The following COLGALT2 variants were observed in gnomAD, a reference collection of about 807,000 sequenced individuals.
The protein encoded by COLGALT2 is collagen beta(1-O)galactosyltransferase 2, also known as procollagen galactosyltransferase 2.
In COLGALT2, 49 loss-of-function variants were observed where a neutral mutation model predicts 73.4. The observed-to-expected ratio is 0.67, with a 90% CI of 0.53 to 0.85. COLGALT2 has a LOEUF of 0.85. COLGALT2 is among the 40% of genes least tolerant of loss of function. The pLI, the probability that COLGALT2 is intolerant of heterozygous loss-of-function variation, is 0.00. For synonymous variants in COLGALT2, 295 were observed against 307.6 expected (o/e 0.96, Z 0.43); for missense variants, 722 against 790.2 (o/e 0.91, Z 1.03).
intron 2 of COLGALT2, among the ~76,000 whole-genome samples, chr1:183,976,016 G>C (rs1671180142): frequency 6.6e-6 from 1 of 152,158 alleles, no homozygotes; most frequent in African/African-American, 2.4e-5. Context: ...TACAGCACAG[G>C]AATTCTCTGG....
intron 7 of COLGALT2, among the ~76,000 whole-genome samples, chr1:183,953,184 G>A (rs147806388): frequency 9.8e-5 from 15 of 152,304 alleles, no homozygotes; most frequent in Non-Finnish European, 1.5e-4. Context: ...AGTAAACAGA[G>A]AAAAGAGCAT....
chr1:183,991,260 G>A (rs76909238), intron 1 of COLGALT2, among the ~76,000 whole-genome samples: 2,868 of 152,164 alleles, frequency 0.019, 69 homozygotes, highest in African/African-American at 0.055. Context: ...AAAATAAAGT[G>A]GTTATATTTA....
At chr1:183,975,246 A>G (rs762429184) in intron 2 of COLGALT2, 32 bp from the exon 3 acceptor site, 1 of 1,351,598 alleles carries the variant, frequency 7.4e-7, no homozygotes, top group Non-Finnish European at 1.1e-6. Flanking sequence ...ATCATTATTG[A>G]GTGCCTACAT....
At chr1:183,978,758 T>C (rs1472691224) in intron 1 of COLGALT2, among the ~76,000 whole-genome samples, 1 of 152,226 alleles carries the variant, frequency 6.6e-6, no homozygotes, top group Non-Finnish European at 1.5e-5. Context: ...TTGGAGAACG[T>C]GTAAATGGTT....
rs1215617289 is a variant in COLGALT2, at chr1:183,954,761, C to T, written c.1029+1G>A. ...CACACACATATAGACACCTTTCCTACCTCATCAAATCCCATCTTGTCTGGA... is the reference window on the plus strand; with the variant it reads ...CACACACATATAGACACCTTTCCTATCTCATCAAATCCCATCTTGTCTGGA... On this transcript the variant is annotated splice_donor_variant, in intron 7 of 11. Transcript: ENST00000361927. LOFTEE classifies it high-confidence loss of function. 1.2e-6 allele frequency: 2 copies of T among 1,610,098 alleles called. No homozygotes were observed. The highest frequency in any genetic ancestry group is 1.1e-5 in the South Asian group (1 of 91,018).
intron 4 of COLGALT2, among the ~76,000 whole-genome samples, chr1:183,973,335 A>G (rs1671100961): frequency 6.6e-6 from 1 of 152,176 alleles, no homozygotes; most frequent in Non-Finnish European, 1.5e-5. Context: ...AAAAGAATTA[A>G]TTAAAAATAG....
intron 3 of COLGALT2, 34 bp from the exon 4 acceptor site, chr1:183,973,784 G>A (rs750760965): frequency 2.5e-6 from 4 of 1,604,980 alleles, no homozygotes; most frequent in Admixed American, 3.4e-5. Flanking sequence ...TAGGTGAAAA[G>A]GTACTTTTCA....
chr1:184,036,474 C>A (rs979339215), intron 1 of COLGALT2, among the ~76,000 whole-genome samples: 1 of 152,224 alleles, frequency 6.6e-6, no homozygotes, highest in African/African-American at 2.4e-5. Context: ...ACCAGGCCCA[C>A]GGTGGTGCCA....
chr1:184,032,594 A>G (rs567090363), intron 1 of COLGALT2, among the ~76,000 whole-genome samples: 5 of 152,316 alleles, frequency 3.3e-5, no homozygotes, highest in African/African-American at 1.2e-4. Flanking sequence ...AGATTGGGAA[A>G]ATGAGGAAAG....
At chr1:183,950,222 T>C (rs1298247344) in intron 8 of COLGALT2, among the ~76,000 whole-genome samples, 1 of 152,066 alleles carries the variant, frequency 6.6e-6, no homozygotes, top group African/African-American at 2.4e-5. Flanking sequence ...GAGGGAGCTG[T>C]CCCCTTAACC....
At chr1:184,019,785 A>G (rs1649118359) in intron 1 of COLGALT2, among the ~76,000 whole-genome samples, 1 of 152,188 alleles carries the variant, frequency 6.6e-6, no homozygotes, top group Non-Finnish European at 1.5e-5. Flanking sequence ...AAAAGTGGAC[A>G]GTATTCAAAT....
At chr1:183,958,744 A>C (rs1670618017) in intron 6 of COLGALT2, among the ~76,000 whole-genome samples, 1 of 149,670 alleles carries the variant, frequency 6.7e-6, no homozygotes. Context: ...GCTGCAACCC[A>C]GGACAAAAAC....
chr1:183,969,418 C>A lies in COLGALT2; in HGVS notation c.683G>T (p.Gly228Val), dbSNP rs201381167. Residue 228 changes from glycine (G) to valine (V), a missense_variant, in exon 5 of 12, where the codon GGC (glycine) becomes GTC (valine). Transcript: ENST00000361927. ...YVQIREWKRT[G>V]CFPVPMVHST... ...GTGGACCATGGGGACGGGGAAGCAG[C>A]CTGTCCTCTTCCATTCTCGAATCTG... The A allele has an allele frequency of 6.2e-7, 1 of 1,613,686 alleles. No individual in the cohort carries two copies. Among genetic ancestry groups the A allele is most frequent in the East Asian group, 2.2e-5 (1 of 44,854 alleles).
intron 11 of COLGALT2, among the ~76,000 whole-genome samples, chr1:183,939,572 G>A (rs969835353): frequency 2.8e-4 from 43 of 152,184 alleles, no homozygotes; most frequent in Admixed American, 2.6e-3. Context: ...ACATCTGAAT[G>A]TAGTAATTTC....
At chr1:183,998,236 A>C (rs2102836136) in intron 1 of COLGALT2, among the ~76,000 whole-genome samples, 1 of 152,290 alleles carries the variant, frequency 6.6e-6, no homozygotes, top group East Asian at 1.9e-4. Context: ...TGTGGTATTT[A>C]TCTGCATCTC....
rs761020830 is a variant in COLGALT2, at chr1:183,940,617, TC to T, written c.1567del (p.Asp523MetfsTer13). 6.2e-7 allele frequency: 1 copy of T among 1,614,188 alleles called. No homozygotes were observed. The highest frequency in any genetic ancestry group is 2.2e-5 in the East Asian group (1 of 44,888). Reference sequence around the variant, plus strand: ...GTTGTACATGACTGGCAGAAACTCATCCACTGGCAGCATCTTCCCAAAAGGA... The same window carrying T: ...GTTGTACATGACTGGCAGAAACTCATCACTGGCAGCATCTTCCCAAAAGGA... ...ANPFGKMLPV[D>X]EFLPVMYNKH... On this transcript the variant is annotated frameshift_variant, in exon 11 of 12. Transcript: ENST00000361927. LOFTEE classifies it high-confidence loss of function.
At chr1:184,005,033 A>G (rs1672033154) in intron 1 of COLGALT2, among the ~76,000 whole-genome samples, 1 of 152,232 alleles carries the variant, frequency 6.6e-6, no homozygotes. Flanking sequence ...TGGGGCCAGG[A>G]GGCCCCTGAA....
intron 3 of COLGALT2, 46 bp downstream of exon 3, chr1:183,975,051 T>C: frequency 7.3e-7 from 1 of 1,371,588 alleles, no homozygotes. Flanking sequence ...CTGATTTGGA[T>C]ACACCTGAGA....
At chr1:183,941,530 C>T (rs922863892) in intron 10 of COLGALT2, among the ~76,000 whole-genome samples, 22 of 152,306 alleles carry the variant, frequency 1.4e-4, no homozygotes, top group Admixed American at 3.3e-4. Context: ...TACTTTTGTC[C>T]GGAACCTATT....
Sources: allele counts gnomAD v4.1 joint callset (sites outside exome capture counted in the v4.1 genomes callset), GRCh38; gene constraint gnomAD v4.1.1; transcripts MANE v1.5; gene names NCBI Gene and HGNC (gene_info 2026-07-23, HGNC 2026-07-21).